The following SYN3 variants were observed in gnomAD, a reference collection of about 807,000 sequenced individuals.
The protein encoded by SYN3 is synapsin-3.
In SYN3, 35 loss-of-function variants were observed where a neutral mutation model predicts 65.8. The ratio of observed to expected loss-of-function variants is 0.53; its 90% CI spans 0.41 to 0.70. The LOEUF is 0.70. SYN3 is among the 30% of genes least tolerant of loss of function. SYN3 has a pLI of 0.00. For synonymous variants in SYN3, 270 were observed against 292.9 expected, an observed-to-expected ratio of 0.92 and a Z score of 0.80; for missense variants, 680 against 749.0, an observed-to-expected ratio of 0.91 and a Z score of 1.08.
chr22:33,001,744 T>A (rs1288538841), intron 2 of SYN3, among the ~76,000 whole-genome samples: 1 of 152,228 alleles, frequency 6.6e-6, no homozygotes, highest in Non-Finnish European at 1.5e-5. Flanking sequence ...ATTAACTCTA[T>A]GACATAGGTA....
chr22:32,614,940 C>T (rs1002568559), intron 6 of SYN3, among the ~76,000 whole-genome samples: 2 of 149,000 alleles, frequency 1.3e-5, no homozygotes, highest in Admixed American at 6.7e-5. Context: ...TCCAAGGGAC[C>T]TTTTATTCTG....
chr22:32,859,594 A>G, intron 6 of SYN3: 3 of 588,060 alleles, frequency 5.1e-6, no homozygotes, highest in Non-Finnish European at 8.7e-6. Context: ...GACATCATTC[A>G]TTTCCACCTG....
At chr22:32,941,138 C>CA (rs1262832179) in intron 3 of SYN3, among the ~76,000 whole-genome samples, 5 of 152,092 alleles carry the variant, frequency 3.3e-5, no homozygotes, top group South Asian at 4.2e-4. Context: ...TAATTAAAAA[C>CA]AAAAAAATCC....
chr22:32,554,873 G>T (rs1277382797), intron 7 of SYN3, among the ~76,000 whole-genome samples: 2 of 152,188 alleles, frequency 1.3e-5, no homozygotes, highest in Non-Finnish European at 2.9e-5. Flanking sequence ...CCTTGGGTAA[G>T]TTACTTAACC....
intron 6 of SYN3, among the ~76,000 whole-genome samples, chr22:32,661,245 G>A (rs1037654731): frequency 2.5e-4 from 38 of 152,276 alleles, no homozygotes; most frequent in Admixed American, 6.5e-4. Context: ...AGACCCCTAC[G>A]CCCTGCTGCC....
At chr22:32,879,074 T>C (rs1387989544) in intron 4 of SYN3, among the ~76,000 whole-genome samples, 2 of 150,956 alleles carry the variant, frequency 1.3e-5, no homozygotes, top group Non-Finnish European at 3.0e-5. Flanking sequence ...GACACACACA[T>C]ACACACACAC....
intron 6 of SYN3, among the ~76,000 whole-genome samples, chr22:32,852,393 G>A (rs1434939168): frequency 6.6e-6 from 1 of 152,202 alleles, no homozygotes; most frequent in Admixed American, 6.5e-5. Context: ...ATCCAGCAGT[G>A]TAGGGCTGGA....
At chr22:33,048,706 G>A (rs1302968230) in intron 1 of SYN3, among the ~76,000 whole-genome samples, 1 of 152,142 alleles carries the variant, frequency 6.6e-6, no homozygotes, top group Non-Finnish European at 1.5e-5. Context: ...TGCCATGCTT[G>A]TACAGCCTGC....
chr22:32,563,853 G>A (rs935339177), intron 7 of SYN3, among the ~76,000 whole-genome samples: 2 of 152,132 alleles, frequency 1.3e-5, no homozygotes, highest in African/African-American at 4.8e-5. Context: ...ATTTTTAGTA[G>A]AGACAGGGTT....
intron 6 of SYN3, among the ~76,000 whole-genome samples, chr22:32,647,498 G>A (rs1055223246): frequency 1.3e-5 from 2 of 151,442 alleles, no homozygotes; most frequent in Admixed American, 1.3e-4. Context: ...CCAGGCTGGA[G>A]TGCAGCGGTA....
intron 6 of SYN3, among the ~76,000 whole-genome samples, chr22:32,700,747 C>T (rs2060800559): frequency 6.6e-6 from 1 of 152,120 alleles, no homozygotes; most frequent in Admixed American, 6.5e-5. Flanking sequence ...GCTTTAAACA[C>T]CATGTAATAG....
At chr22:32,684,573 T>C (rs2060566099) in intron 6 of SYN3, among the ~76,000 whole-genome samples, 1 of 152,220 alleles carries the variant, frequency 6.6e-6, no homozygotes, top group African/African-American at 2.4e-5. Flanking sequence ...ACTAACTCTT[T>C]ACAATGCAAG....
At chr22:32,846,762 T>C (rs2048075052) in intron 6 of SYN3, among the ~76,000 whole-genome samples, 1 of 152,218 alleles carries the variant, frequency 6.6e-6, no homozygotes, top group Non-Finnish European at 1.5e-5. Context: ...TGAGAGGCAC[T>C]GGGCTAAGAA....
At chr22:32,575,283 T>C (rs920701338) in intron 7 of SYN3, among the ~76,000 whole-genome samples, 3 of 152,228 alleles carry the variant, frequency 2.0e-5, no homozygotes, top group African/African-American at 7.2e-5. Context: ...GGACGCCACA[T>C]CTTTGGAAGT....
At chr22:32,764,980 AC>A (rs2045585344) in intron 6 of SYN3, among the ~76,000 whole-genome samples, 1 of 138,830 alleles carries the variant, frequency 7.2e-6, no homozygotes. Context: ...GTTGTTCCCC[AC>A]CCCCACCCTC....
chr22:32,597,788 G>A (rs80211486), intron 6 of SYN3, among the ~76,000 whole-genome samples: 1,798 of 152,194 alleles, frequency 0.012, 36 homozygotes, highest in African/African-American at 0.04. Context: ...GAAGGTGCTC[G>A]ATACTGAATC....
At chr22:32,992,000 C>A (rs1348463482) in intron 2 of SYN3, among the ~76,000 whole-genome samples, 1 of 152,224 alleles carries the variant, frequency 6.6e-6, no homozygotes, top group Admixed American at 6.5e-5. Flanking sequence ...AGGCAGAAAT[C>A]TACTCCACCC....
intron 4 of SYN3, 29 bp downstream of exon 4, chr22:32,931,361 A>T: frequency 6.8e-7 from 1 of 1,477,942 alleles, no homozygotes; most frequent in South Asian, 1.1e-5. Context: ...CAATTCTCAG[A>T]AGGTTCTGCA....
chr22:32,764,491 T>C (rs1438388415), intron 6 of SYN3, among the ~76,000 whole-genome samples: 1 of 152,112 alleles, frequency 6.6e-6, no homozygotes, highest in African/African-American at 2.4e-5. Context: ...GAGGAACCAG[T>C]GGGCTGCTTT....
Sources: allele counts gnomAD v4.1 joint callset (sites outside exome capture counted in the v4.1 genomes callset), GRCh38; gene constraint gnomAD v4.1.1; transcripts MANE v1.5; gene names NCBI Gene and HGNC (gene_info 2026-07-23, HGNC 2026-07-21).